The following FMNL2 variants were observed in gnomAD, a reference collection of about 807,000 sequenced individuals.
FMNL2 encodes formin-like protein 2.
A neutral mutation model predicts 130.2 loss-of-function variants in FMNL2; 51 were observed. That is an observed-to-expected ratio of 0.39 (90% CI 0.31 to 0.49). FMNL2 has a LOEUF of 0.49. Among genes scored for constraint, FMNL2 ranks in the 20% least tolerant of loss-of-function variants. FMNL2 has a pLI of 0.85. For synonymous variants in FMNL2, 465 were observed against 467.1 expected, an observed-to-expected ratio of 1.00 and a Z score of 0.06; for missense variants, 977 against 1,316.2, an observed-to-expected ratio of 0.74 and a Z score of 3.99.
intron 1 of FMNL2, among the ~76,000 whole-genome samples, chr2:152,444,975 C>T (rs762539013): frequency 3.9e-5 from 6 of 152,232 alleles, no homozygotes; most frequent in Non-Finnish European, 5.9e-5. Flanking sequence ...ACAGTTCTGT[C>T]GTTCTCCTCT....
chr2:152,514,107 G>A (rs551845543), intron 1 of FMNL2, among the ~76,000 whole-genome samples: 118 of 152,260 alleles, frequency 7.7e-4, no homozygotes, highest in African/African-American at 2.7e-3. Flanking sequence ...CTCAGCTGTT[G>A]TAATTTTCAA....
intron 1 of FMNL2, among the ~76,000 whole-genome samples, chr2:152,394,043 A>T (rs899367338): frequency 2.6e-5 from 4 of 152,168 alleles, no homozygotes; most frequent in Non-Finnish European, 5.9e-5. Context: ...TAGTTTGCTG[A>T]CCCTTGTAAT....
chr2:152,420,488 T>C (rs1686850853), intron 1 of FMNL2, among the ~76,000 whole-genome samples: 1 of 152,174 alleles, frequency 6.6e-6, no homozygotes, highest in African/African-American at 2.4e-5. Context: ...GATCTGAAAG[T>C]ACTGGCTTTA....
intron 1 of FMNL2, among the ~76,000 whole-genome samples, chr2:152,485,389 G>T (rs1029004954): frequency 3.9e-5 from 6 of 152,164 alleles, no homozygotes; most frequent in Non-Finnish European, 5.9e-5. Context: ...TACTTGGAAG[G>T]CTGAGGCAGG....
At chr2:152,356,542 T>C (rs1682793225) in intron 1 of FMNL2, among the ~76,000 whole-genome samples, 2 of 152,198 alleles carry the variant, frequency 1.3e-5, no homozygotes, top group Non-Finnish European at 2.9e-5. Context: ...GATAAAAATG[T>C]ATCTGTAACC....
At chr2:152,634,685 G>A (rs1682435307) in intron 21 of FMNL2, among the ~76,000 whole-genome samples, 1 of 152,182 alleles carries the variant, frequency 6.6e-6, no homozygotes, top group Admixed American at 6.5e-5. Flanking sequence ...TGGCGGATGA[G>A]GCAAAGCTTC....
chr2:152,614,758 A>AAAACAAAACG (rs1553486978), intron 11 of FMNL2, 93 bp from the exon 12 acceptor site: 1 of 1,399,462 alleles, frequency 7.1e-7, no homozygotes, highest in African/African-American at 1.5e-5. Flanking sequence ...AAAACAAAAC[A>AAAACAAAACG]AAACAAAAAA....
intron 1 of FMNL2, among the ~76,000 whole-genome samples, chr2:152,377,842 A>G (rs1034957128): frequency 2.0e-5 from 3 of 152,200 alleles, no homozygotes; most frequent in African/African-American, 7.2e-5. Flanking sequence ...ACTTAAAGAT[A>G]AAAGATGGGC....
At chr2:152,612,706 C>T (rs1276766761) in intron 11 of FMNL2, among the ~76,000 whole-genome samples, 3 of 152,188 alleles carry the variant, frequency 2.0e-5, no homozygotes, top group African/African-American at 7.2e-5. Flanking sequence ...ACCTCTGCTT[C>T]CTGGGTTCAA....
intron 2 of FMNL2, among the ~76,000 whole-genome samples, chr2:152,525,233 G>A (rs1693321397): frequency 6.6e-6 from 1 of 152,200 alleles, no homozygotes; most frequent in African/African-American, 2.4e-5. Flanking sequence ...CCGAAGTTTT[G>A]TGTGTGGCTG....
At chr2:152,631,504 T>C (rs1262692772) in intron 20 of FMNL2, among the ~76,000 whole-genome samples, 2 of 151,596 alleles carry the variant, frequency 1.3e-5, no homozygotes, top group Non-Finnish European at 2.9e-5. Context: ...ACTAAGTGAT[T>C]AATGGCAGGT....
In FMNL2 at chr2:152,614,953, A is replaced by C; in HGVS notation, c.1165A>C (p.Asn389His). The change falls in exon 12 of 26, where the codon AAT becomes CAT. Residue 389 changes from asparagine to histidine, a missense_variant. By Grantham distance (68) the Asn-to-His change is moderately conservative. Transcript: ENST00000288670. ...TCTACTGGAAGATGCTGAAACTAAG[A>C]ATGCTGCCTTGGAGAGGGTGGAAGA... is the stretch of plus-strand genomic sequence containing the variant. Reference protein sequence around the residue: ...GALLEDAETKNAALERVEELE... With the variant: ...GALLEDAETKHAALERVEELE... 1 of 1,613,720 alleles carries C rather than the reference A, an allele frequency of 6.2e-7. No individual in the cohort carries two copies. Among genetic ancestry groups the C allele is most frequent in the Non-Finnish European group, 8.5e-7 (1 of 1,179,804 alleles).
At chr2:152,407,636 C>T (rs1686057154) in intron 1 of FMNL2, among the ~76,000 whole-genome samples, 1 of 152,218 alleles carries the variant, frequency 6.6e-6, no homozygotes, top group Non-Finnish European at 1.5e-5. Context: ...TTATCTGCCC[C>T]ATTGAGTCTG....
chr2:152,348,624 G>A (rs548503040), intron 1 of FMNL2, among the ~76,000 whole-genome samples: 1 of 152,266 alleles, frequency 6.6e-6, no homozygotes, highest in East Asian at 1.9e-4. Context: ...CCAAGAATAC[G>A]AAACATTCAG....
intron 1 of FMNL2, among the ~76,000 whole-genome samples, chr2:152,484,358 G>A (rs1366705863): frequency 6.6e-6 from 1 of 152,094 alleles, no homozygotes; most frequent in Non-Finnish European, 1.5e-5. Context: ...GAGAGATATT[G>A]GGCCAAGTGC....
intron 9 of FMNL2, among the ~76,000 whole-genome samples, chr2:152,600,572 C>A (rs1558997321): frequency 6.6e-6 from 1 of 152,130 alleles, no homozygotes; most frequent in Non-Finnish European, 1.5e-5. Flanking sequence ...ATCTCCTCTC[C>A]ACTATTAGCC....
At chr2:152,367,290 G>C (rs1296664693) in intron 1 of FMNL2, among the ~76,000 whole-genome samples, 1 of 151,986 alleles carries the variant, frequency 6.6e-6, no homozygotes, top group African/African-American at 2.4e-5. Context: ...TGACCAGGCT[G>C]GTCTTGAACT....
In FMNL2 at chr2:152,543,788, G is replaced by A. The variant is rs547258248; in HGVS notation, c.282+969G>A. ...GAACAGCTATTATTTCCTTTTGGAA[G>A]TTTCCTAGGCCTTTCTCTTACGGTT... is the stretch of plus-strand genomic sequence containing the variant. On this transcript the variant is annotated intron_variant, in intron 3 of 25. Coordinates refer to ENST00000288670, the MANE Select transcript of FMNL2 (RefSeq NM_052905.4). Among the ~76,000 whole-genome samples, 69 of 132,192 alleles carry A rather than the reference G, an allele frequency of 5.2e-4. 1 individual carries two copies. The Middle Eastern group carries it at 0.014, about 27-fold the overall frequency. 86.7% of individuals were successfully genotyped at this position (132,192 alleles called of 152,430 possible).
At chr2:152,411,258 A>G (rs1331692632) in intron 1 of FMNL2, among the ~76,000 whole-genome samples, 1 of 152,152 alleles carries the variant, frequency 6.6e-6, no homozygotes, top group Admixed American at 6.5e-5. Context: ...ATACTCCCTA[A>G]TAAAAGCCCT....
Sources: allele counts gnomAD v4.1 joint callset (sites outside exome capture counted in the v4.1 genomes callset), GRCh38; gene constraint gnomAD v4.1.1; transcripts MANE v1.5; gene names NCBI Gene and HGNC (gene_info 2026-07-23, HGNC 2026-07-21).